Variants in RPS6KA2 observed in about 807,000 individuals in gnomAD.
RPS6KA2 encodes the protein ribosomal protein S6 kinase A2.
In RPS6KA2, 42 loss-of-function variants were observed where a neutral mutation model predicts 91.8. The observed-to-expected ratio is 0.46, with a 90% CI of 0.36 to 0.59. The LOEUF (loss-of-function observed/expected upper bound fraction) is 0.59. Ranked by LOEUF, RPS6KA2 falls within the 20% of genes least tolerant of loss-of-function variation. The probability of loss-of-function intolerance (pLI) is 0.00; values close to 1 mark genes in which losing one functional copy is unlikely to be tolerated. For synonymous variants in RPS6KA2, 414 were observed against 393.6 expected (o/e 1.05, Z -0.61); for missense variants, 798 against 978.5 (o/e 0.82, Z 2.46).
At chr6:166,574,123 C>T (rs546245852) in intron 1 of RPS6KA2, among the ~76,000 whole-genome samples, 11 of 152,232 alleles carry the variant, frequency 7.2e-5, no homozygotes, top group African/African-American at 2.2e-4. Context: ...GCGTGCTGAC[C>T]GAGGCCAGGT....
chr6:166,727,002 C>T (rs1583054261), intron 2 of RPS6KA2, among the ~76,000 whole-genome samples: 2 of 152,322 alleles, frequency 1.3e-5, no homozygotes, highest in South Asian at 4.1e-4. Flanking sequence ...TGTTCCTCCA[C>T]TGATCAGAAA....
At chr6:166,791,504 A>C (rs1390530823) in intron 2 of RPS6KA2, among the ~76,000 whole-genome samples, 1 of 152,254 alleles carries the variant, frequency 6.6e-6, no homozygotes, top group Non-Finnish European at 1.5e-5. Flanking sequence ...TCAGCTCTGC[A>C]CCAAGCGGAC....
intron 2 of RPS6KA2, among the ~76,000 whole-genome samples, chr6:166,745,626 C>T (rs1394274002): frequency 6.6e-6 from 1 of 152,226 alleles, no homozygotes; most frequent in African/African-American, 2.4e-5. Context: ...CCTATAATAA[C>T]AACAGAACCC....
intron 2 of RPS6KA2, among the ~76,000 whole-genome samples, chr6:166,848,301 C>G (rs1484775653): frequency 6.6e-6 from 1 of 152,156 alleles, no homozygotes; most frequent in African/African-American, 2.4e-5. Flanking sequence ...CACTTTTACA[C>G]TGTTGGTGGA....
chr6:166,657,225 AAC>A (rs1223205552), intron 2 of RPS6KA2, among the ~76,000 whole-genome samples: 1 of 152,154 alleles, frequency 6.6e-6, no homozygotes, highest in Non-Finnish European at 1.5e-5. Context: ...TCTGTTTGGA[AAC>A]ACACAGAATA....
chr6:166,638,683 C>G (rs998469574), intron 2 of RPS6KA2, among the ~76,000 whole-genome samples: 1 of 152,186 alleles, frequency 6.6e-6, no homozygotes, highest in African/African-American at 2.4e-5. Context: ...GTCTCTAGAA[C>G]AGTGGTTCTG....
chr6:166,429,502 G>C (rs1779050494), intron 16 of RPS6KA2, among the ~76,000 whole-genome samples: 1 of 152,142 alleles, frequency 6.6e-6, no homozygotes, highest in South Asian at 2.1e-4. Context: ...CCACGCTGAA[G>C]TGCAGTGGCG....
intron 17 of RPS6KA2, among the ~76,000 whole-genome samples, chr6:166,421,747 T>C (rs1336345459): frequency 1.3e-5 from 2 of 152,216 alleles, no homozygotes; most frequent in Non-Finnish European, 2.9e-5. Context: ...TCTTTTTCTC[T>C]TGTTAATCTG....
intron 3 of RPS6KA2, among the ~76,000 whole-genome samples, chr6:166,519,554 TG>T (rs1409579842): frequency 1.3e-5 from 2 of 152,182 alleles, no homozygotes; most frequent in Admixed American, 6.5e-5. Flanking sequence ...CAGCTCTAAC[TG>T]CCATGTGCTC....
chr6:166,596,046 A>G (rs143536340), intron 1 of RPS6KA2, among the ~76,000 whole-genome samples: 2 of 152,368 alleles, frequency 1.3e-5, no homozygotes, highest in East Asian at 3.9e-4. Flanking sequence ...CAGAAAGGGA[A>G]AGGCTTTCAA....
intron 14 of RPS6KA2, among the ~76,000 whole-genome samples, chr6:166,446,504 G>A (rs1045300743): frequency 6.6e-6 from 1 of 152,056 alleles, no homozygotes; most frequent in Non-Finnish European, 1.5e-5. Flanking sequence ...TTCTACCATC[G>A]GCCAGAGCCA....
chr6:166,798,499 T>G (rs952168753), intron 2 of RPS6KA2, among the ~76,000 whole-genome samples: 1 of 152,216 alleles, frequency 6.6e-6, no homozygotes, highest in African/African-American at 2.4e-5. Flanking sequence ...AAACAGCGTC[T>G]CTGCAGATCT....
intron 1 of RPS6KA2, among the ~76,000 whole-genome samples, chr6:166,616,340 G>A (rs921473375): frequency 6.6e-6 from 1 of 152,136 alleles, no homozygotes; most frequent in Non-Finnish European, 1.5e-5. Context: ...CAACCCCGAC[G>A]CATGGATCAC....
chr6:166,446,535 C>T (rs759210420), intron 14 of RPS6KA2, among the ~76,000 whole-genome samples: 2 of 152,208 alleles, frequency 1.3e-5, no homozygotes, highest in African/African-American at 2.4e-5. Context: ...CTTCTCTCCC[C>T]GAGAGCTGTT....
In RPS6KA2 at chr6:166,459,483, G is replaced by A. The variant is rs1315784768; in HGVS notation, c.1041C>T (p.His347=). The A allele has an allele frequency of 3.1e-6, 5 of 1,614,050 alleles. No homozygotes were observed. In the African/African-American group the frequency reaches 6.7e-5, roughly 22 times the overall value. ...PAVGRPEDTF[H]FDPEFTARTP... is the part of the protein sequence containing the mutation. ...TCCGCGCTGTGAACTCGGGGTCAAA[G>A]TGGAAGGTGTCCTCAGGCCTGCCCA... The change falls in exon 12 of 21, where the codon CAC becomes CAT. Residue 347 remains histidine, a synonymous_variant. Coordinates refer to ENST00000265678, the MANE Select transcript of RPS6KA2 (RefSeq NM_021135.6). The surrounding 1 kb of genome is among the most constrained non-coding windows in gnomAD (Gnocchi z 4.9).
chr6:166,795,005 TA>T (rs1562443841), intron 2 of RPS6KA2, among the ~76,000 whole-genome samples: 1 of 151,258 alleles, frequency 6.6e-6, no homozygotes, highest in Non-Finnish European at 1.5e-5. Context: ...ATAATAACAA[TA>T]AAATAAAAAT....
chr6:166,745,405 G>A (rs937820781), intron 2 of RPS6KA2, among the ~76,000 whole-genome samples: 2 of 152,110 alleles, frequency 1.3e-5, no homozygotes, highest in Non-Finnish European at 2.9e-5. Context: ...ACCTGCCTTG[G>A]CCTCCCAAAG....
intron 17 of RPS6KA2, among the ~76,000 whole-genome samples, chr6:166,421,273 T>C (rs1778709572): frequency 6.6e-6 from 1 of 152,174 alleles, no homozygotes; most frequent in African/African-American, 2.4e-5. Context: ...GGCAAAGGAA[T>C]ATCACAACCT....
intron 11 of RPS6KA2, among the ~76,000 whole-genome samples, chr6:166,466,708 T>C (rs550536031): frequency 4.6e-5 from 7 of 152,380 alleles, no homozygotes; most frequent in African/African-American, 1.7e-4. Context: ...AGAGTCTCAC[T>C]CATTCATTCA....
Sources: allele counts gnomAD v4.1 joint callset (sites outside exome capture counted in the v4.1 genomes callset), GRCh38; gene constraint gnomAD v4.1.1; non-coding constraint Gnocchi (gnomAD v3.1); transcripts MANE v1.5; gene names NCBI Gene and HGNC (gene_info 2026-07-23, HGNC 2026-07-21).